PACRG: variants seen among roughly 807,000 people sequenced by gnomAD.
PACRG encodes parkin coregulated.
In PACRG, 29 loss-of-function variants were observed where a neutral mutation model predicts 29.7. The ratio of observed to expected loss-of-function variants is 0.98; its 90% CI spans 0.73 to 1.33. PACRG has a LOEUF of 1.33. PACRG is among the 40% of genes most tolerant of loss of function. The probability of loss-of-function intolerance (pLI) is 0.00; values close to 1 mark genes in which losing one functional copy is unlikely to be tolerated. For synonymous variants in PACRG, 116 were observed against 118.7 expected (o/e 0.98, Z 0.15); for missense variants, 279 against 316.2 (o/e 0.88, Z 0.89).
intron 4 of PACRG, among the ~76,000 whole-genome samples, chr6:163,144,984 G>C (rs748468488): frequency 1.1e-4 from 17 of 152,106 alleles, no homozygotes; most frequent in South Asian, 4.1e-4. Context: ...TCTGAGCCCT[G>C]CTGATGTTGA....
chr6:163,100,386 T>C (rs909484937), intron 4 of PACRG, among the ~76,000 whole-genome samples: 13 of 152,198 alleles, frequency 8.5e-5, no homozygotes, highest in African/African-American at 3.1e-4. Flanking sequence ...CTTTCCATTC[T>C]GCACCGCAGG....
At chr6:162,875,852 A>C (rs915937321) in intron 2 of PACRG, among the ~76,000 whole-genome samples, 8 of 152,236 alleles carry the variant, frequency 5.3e-5, no homozygotes, top group Non-Finnish European at 1.0e-4. Context: ...ATGATCTTCT[A>C]AATGCTTACT....
chr6:162,881,600 C>T (rs1014699465), intron 2 of PACRG, among the ~76,000 whole-genome samples: 1 of 152,076 alleles, frequency 6.6e-6, no homozygotes, highest in Non-Finnish European at 1.5e-5. Flanking sequence ...CACTCTCCAC[C>T]AAGACCAGAG....
chr6:163,111,334 GGGAACAATGAAGTAGATGCTATT>G (rs1404428119), intron 4 of PACRG, among the ~76,000 whole-genome samples: 1 of 152,144 alleles, frequency 6.6e-6, no homozygotes, highest in Non-Finnish European at 1.5e-5. Context: ...CCAGAGGGTG[GGGAACAATGAAGTAGATGCTATT>G]GATAATTAGT....
At chr6:162,941,686 T>C (rs1168282896) in intron 2 of PACRG, among the ~76,000 whole-genome samples, 1 of 152,212 alleles carries the variant, frequency 6.6e-6, no homozygotes, top group Non-Finnish European at 1.5e-5. Flanking sequence ...TAGCTTTATT[T>C]AATCATGCTA....
intron 3 of PACRG, among the ~76,000 whole-genome samples, chr6:163,071,607 C>T (rs1812058252): frequency 6.6e-6 from 1 of 150,736 alleles, no homozygotes; most frequent in African/African-American, 2.4e-5. Context: ...AATAAATAAC[C>T]TAACAATGCA....
chr6:162,989,008 A>G (rs959267392), intron 2 of PACRG, among the ~76,000 whole-genome samples: 3 of 152,072 alleles, frequency 2.0e-5, no homozygotes, highest in Non-Finnish European at 4.4e-5. Context: ...TTATGCGACG[A>G]AAAAATTCAA....
chr6:162,820,746 A>C (rs1225550213), intron 2 of PACRG, among the ~76,000 whole-genome samples: 1 of 152,210 alleles, frequency 6.6e-6, no homozygotes, highest in Admixed American at 6.6e-5. Context: ...TTTGTTTCAC[A>C]TCAAGGAGAA....
intron 4 of PACRG, among the ~76,000 whole-genome samples, chr6:163,126,813 GGT>G (rs1816534184): frequency 1.3e-5 from 2 of 152,226 alleles, no homozygotes; most frequent in South Asian, 4.1e-4. Context: ...CAAGGCCCAT[GGT>G]GTTCACATTT....
At chr6:162,877,625 TA>T (rs920863941) in intron 2 of PACRG, among the ~76,000 whole-genome samples, 13 of 150,518 alleles carry the variant, frequency 8.6e-5, no homozygotes, top group African/African-American at 2.0e-4. Flanking sequence ...TTTTCCAAAA[TA>T]AAAAAATGTT....
At chr6:163,154,689 A>C (rs944232970) in intron 4 of PACRG, among the ~76,000 whole-genome samples, 24 of 152,236 alleles carry the variant, frequency 1.6e-4, no homozygotes, top group African/African-American at 5.8e-4. Flanking sequence ...TAATTTTTTT[A>C]AATATAAGTA....
chr6:163,039,467 G>A (rs1268396987), intron 2 of PACRG, among the ~76,000 whole-genome samples: 1 of 152,222 alleles, frequency 6.6e-6, no homozygotes, highest in Admixed American at 6.5e-5. Context: ...AAACAGTTTG[G>A]AGGACTCAGA....
rs879836590 is a variant in PACRG at position 162,941,224 on chromosome 6, T to C, written c.292-120926T>C. Among the ~76,000 whole-genome samples the C allele has an allele frequency of 3.3e-5, 5 of 152,144 alleles. No individual in the cohort carries two copies. In the East Asian group the frequency reaches 7.7e-4, roughly 23 times the overall value. ...AGATTGGGTGGCTTGTTTTCCTCCT[T>C]CTTCTCTCCAGTAGTCCCAAGGATT... On this transcript the variant is annotated intron_variant, in intron 2 of 4. Coordinates refer to ENST00000366888, the MANE Select transcript of PACRG (RefSeq NM_001080379.2).
chr6:162,927,166 G>A (rs531114099), intron 2 of PACRG, among the ~76,000 whole-genome samples: 18 of 152,224 alleles, frequency 1.2e-4, no homozygotes, highest in African/African-American at 4.1e-4. Context: ...ATGCTGGCGA[G>A]GCTGTGGAGA....
chr6:163,303,914 G>A (rs1269154739), intron 4 of PACRG, among the ~76,000 whole-genome samples: 1 of 150,800 alleles, frequency 6.6e-6, no homozygotes, highest in African/African-American at 2.5e-5. Flanking sequence ...TACGCAGGAG[G>A]CTGAGGCAGG....
chr6:163,146,584 G>T (rs1777813598), intron 4 of PACRG, among the ~76,000 whole-genome samples: 1 of 152,118 alleles, frequency 6.6e-6, no homozygotes. Context: ...CTTATTAAAT[G>T]GCCTTCTCTT....
intron 4 of PACRG, among the ~76,000 whole-genome samples, chr6:163,263,395 T>G (rs6913469): frequency 6.6e-6 from 1 of 151,964 alleles, no homozygotes; most frequent in Non-Finnish European, 1.5e-5. Context: ...CCGCAGCCTC[T>G]GTGTTTCTGT....
chr6:163,046,157 G>C (rs2498499), intron 2 of PACRG, among the ~76,000 whole-genome samples: 145,433 of 150,974 alleles, frequency 0.96, 70,110 homozygotes, highest in East Asian at 1. Flanking sequence ...TCTTGACTAT[G>C]CTGTGCTCCC....
chr6:162,808,911 G>A (rs1204580015), intron 1 of PACRG, among the ~76,000 whole-genome samples: 2 of 151,966 alleles, frequency 1.3e-5, no homozygotes, highest in South Asian at 4.2e-4. Flanking sequence ...AGGATTTTCA[G>A]AGTCGTTTTG....
Sources: allele counts gnomAD v4.1 joint callset (sites outside exome capture counted in the v4.1 genomes callset), GRCh38; gene constraint gnomAD v4.1.1; transcripts MANE v1.5; gene names NCBI Gene and HGNC (gene_info 2026-07-23, HGNC 2026-07-21).